KIAA0825: variants seen among roughly 807,000 people sequenced by gnomAD.
The protein encoded by KIAA0825 is KIAA0825, also known as uncharacterized protein KIAA0825.
KIAA0825 carries 119 observed loss-of-function variants against 147.6 expected under a neutral mutation model. That is an observed-to-expected ratio of 0.81 (90% CI 0.69 to 0.94). The LOEUF (loss-of-function observed/expected upper bound fraction) is 0.94. Ranked by LOEUF, KIAA0825 falls within the 40% of genes least tolerant of loss-of-function variation. The pLI is 0.00. For synonymous variants in KIAA0825, 470 were observed against 518.1 expected, an observed-to-expected ratio of 0.91 and a Z score of 1.26; for missense variants, 1,381 against 1,472.7, an observed-to-expected ratio of 0.94 and a Z score of 1.02.
At chr5:94,299,271 C>T (rs1490528795) in intron 20 of KIAA0825, among the ~76,000 whole-genome samples, 2 of 151,980 alleles carry the variant, frequency 1.3e-5, no homozygotes, top group Non-Finnish European at 2.9e-5. Context: ...GGCTGGAGTT[C>T]ACTAGCATGA....
At chr5:94,414,456 C>T (rs2150696160) in intron 15 of KIAA0825, 1 of 152,272 alleles carries the variant, frequency 6.6e-6, no homozygotes, top group Non-Finnish European at 1.5e-5. Flanking sequence ...GCCTTAGAAA[C>T]ACCCACATTA....
At chr5:94,593,886 C>A in intron 1 of KIAA0825, 1 of 401,600 alleles carries the variant, frequency 2.5e-6, no homozygotes, top group East Asian at 6.3e-5. Flanking sequence ...TCCCTGCTCC[C>A]TTCTCCTCAT....
chr5:94,183,983 G>C (rs1470184662), intron 20 of KIAA0825, among the ~76,000 whole-genome samples: 1 of 152,198 alleles, frequency 6.6e-6, no homozygotes, highest in African/African-American at 2.4e-5. Context: ...GGTTAACCTG[G>C]AGACCCACCA....
intron 20 of KIAA0825, among the ~76,000 whole-genome samples, chr5:94,309,209 A>G (rs748382200): frequency 6.6e-6 from 1 of 151,808 alleles, no homozygotes; most frequent in African/African-American, 2.4e-5. Context: ...TGCATAAGAC[A>G]TAGTTTTGCC....
intron 1 of KIAA0825, among the ~76,000 whole-genome samples, chr5:94,613,565 G>A (rs1447970628): frequency 6.6e-6 from 1 of 152,170 alleles, no homozygotes; most frequent in Non-Finnish European, 1.5e-5. Flanking sequence ...AAAGTAAATA[G>A]TCAAAAAGGC....
chr5:94,175,970 T>G (rs1454669644), intron 20 of KIAA0825, among the ~76,000 whole-genome samples: 1 of 152,200 alleles, frequency 6.6e-6, no homozygotes, highest in Non-Finnish European at 1.5e-5. Context: ...GATGTGTTTC[T>G]GCTACTGTAT....
chr5:94,494,569 C>T (rs986090868), intron 5 of KIAA0825, among the ~76,000 whole-genome samples: 9 of 152,004 alleles, frequency 5.9e-5, no homozygotes, highest in Admixed American at 2.0e-4. Flanking sequence ...GAGGGAACAT[C>T]CTAATAAAAA....
At chr5:94,553,581 A>G (rs1584871514) in intron 2 of KIAA0825, among the ~76,000 whole-genome samples, 2 of 151,680 alleles carry the variant, frequency 1.3e-5, no homozygotes, top group Non-Finnish European at 2.9e-5. Flanking sequence ...CCTGGTCAAC[A>G]TGGTGAAACC....
At chr5:94,182,231 A>G (rs1411948670) in intron 20 of KIAA0825, among the ~76,000 whole-genome samples, 1 of 119,914 alleles carries the variant, frequency 8.3e-6, no homozygotes, top group Non-Finnish European at 1.7e-5. Context: ...CTTTCAAGAC[A>G]TAACTTAAAA....
intron 20 of KIAA0825, among the ~76,000 whole-genome samples, chr5:94,383,787 CTGTGTGTGTGTG>C (rs6149118): frequency 2.8e-5 from 4 of 145,452 alleles, no homozygotes; most frequent in Admixed American, 6.9e-5. Context: ...TTATACTGCT[CTGTGTGTGTGTG>C]TGTGTGTGTG....
intron 20 of KIAA0825, among the ~76,000 whole-genome samples, chr5:94,323,329 T>C (rs1780373365): frequency 6.6e-6 from 1 of 151,970 alleles, no homozygotes; most frequent in South Asian, 2.1e-4. Context: ...ACATTTTGTA[T>C]ATTTTCACAT....
At chr5:94,404,508 G>C (rs2150631918) in intron 15 of KIAA0825, among the ~76,000 whole-genome samples, 1 of 151,260 alleles carries the variant, frequency 6.6e-6, no homozygotes, top group Admixed American at 6.6e-5. Context: ...CTCAGTGTTA[G>C]AATCTTACCA....
At chr5:94,520,216 T>C (rs771610714) in intron 5 of KIAA0825, 32 bp downstream of exon 5, 21 of 1,537,636 alleles carry the variant, frequency 1.4e-5, no homozygotes, top group Non-Finnish European at 1.8e-5. Flanking sequence ...AGACTTAAGT[T>C]AAACCAAACA....
intron 20 of KIAA0825, among the ~76,000 whole-genome samples, chr5:94,304,043 C>T (rs1197656430): frequency 6.6e-6 from 1 of 152,032 alleles, no homozygotes; most frequent in African/African-American, 2.4e-5. Context: ...CTGTTTGGCC[C>T]AGAAAACTTT....
At chr5:94,492,858 T>G (rs931932995) in intron 5 of KIAA0825, among the ~76,000 whole-genome samples, 19 of 152,216 alleles carry the variant, frequency 1.2e-4, no homozygotes, top group Non-Finnish European at 2.5e-4. Context: ...TTAACTGTTA[T>G]TTAATTGACT....
At chr5:94,559,515 TATAGAAA>T in intron 2 of KIAA0825, among the ~76,000 whole-genome samples, 1 of 152,362 alleles carries the variant, frequency 6.6e-6, no homozygotes, top group East Asian at 1.9e-4. Context: ...ACCAGCCTTG[TATAGAAA>T]ATGGAACAAT....
chr5:94,306,355 T>C (rs572252298), intron 20 of KIAA0825, among the ~76,000 whole-genome samples: 1 of 151,920 alleles, frequency 6.6e-6, no homozygotes, highest in South Asian at 2.1e-4. Context: ...CATTGGAAGA[T>C]GATACATTGG....
At chr5:94,534,238 T>C (rs1453613954) in intron 3 of KIAA0825, among the ~76,000 whole-genome samples, 1 of 152,208 alleles carries the variant, frequency 6.6e-6, no homozygotes, top group Non-Finnish European at 1.5e-5. Context: ...AAGTGTGGCA[T>C]AACTGATTCG....
intron 17 of KIAA0825, among the ~76,000 whole-genome samples, chr5:94,394,868 G>C (rs1412973007): frequency 6.6e-6 from 1 of 151,906 alleles, no homozygotes; most frequent in Non-Finnish European, 1.5e-5. Context: ...GCCACCCATG[G>C]GACACTCCAG....
Sources: gnomAD v4.1 joint callset for allele counts (sites outside exome capture counted in the v4.1 genomes callset) on GRCh38, gnomAD v4.1.1 for gene constraint, MANE v1.5 for transcripts, NCBI Gene and HGNC (gene_info 2026-07-23, HGNC 2026-07-21) for gene names.